The following ARHGAP15 variants were observed in gnomAD, a reference collection of about 807,000 sequenced individuals.
ARHGAP15 encodes Rho GTPase activating protein 15.
Under a neutral mutation model 63.7 loss-of-function variants are expected in ARHGAP15, and 51 were observed. The observed-to-expected ratio is 0.80, with a 90% confidence interval of 0.64 to 1.01. ARHGAP15 has a LOEUF of 1.01. ARHGAP15 is among the 50% of genes least tolerant of loss of function. The pLI, the probability that ARHGAP15 is intolerant of heterozygous loss-of-function variation, is 0.00. For missense variants in ARHGAP15, 560 were observed against 564.6 expected, an observed-to-expected ratio of 0.99 and a Z score of 0.08; for synonymous variants, 191 against 193.8, an observed-to-expected ratio of 0.99 and a Z score of 0.12.
intron 6 of ARHGAP15, among the ~76,000 whole-genome samples, chr2:143,339,890 G>T (rs578104038): frequency 2.6e-4 from 39 of 152,242 alleles, no homozygotes; most frequent in Non-Finnish European, 5.0e-4. Context: ...ACTCTCTGAA[G>T]AATATTTTGG....
chr2:143,545,090 A>G (rs1695271912), intron 10 of ARHGAP15, among the ~76,000 whole-genome samples: 1 of 152,200 alleles, frequency 6.6e-6, no homozygotes, highest in Non-Finnish European at 1.5e-5. Context: ...TCTAAATAGG[A>G]CTTTGCTGAT....
intron 13 of ARHGAP15, among the ~76,000 whole-genome samples, chr2:143,755,977 C>T (rs1686563454): frequency 1.3e-5 from 2 of 151,514 alleles, no homozygotes; most frequent in Admixed American, 6.6e-5. Flanking sequence ...AAAAAAAAAA[C>T]TCTAAAACTT....
chr2:143,755,691 A>T, intron 13 of ARHGAP15, among the ~76,000 whole-genome samples: 1 of 152,108 alleles, frequency 6.6e-6, no homozygotes, highest in East Asian at 1.9e-4. Context: ...AGTGTCTAAA[A>T]CTGGCCAGGT....
At chr2:143,626,451 T>C (rs1419889809) in intron 12 of ARHGAP15, among the ~76,000 whole-genome samples, 1 of 152,062 alleles carries the variant, frequency 6.6e-6, no homozygotes, top group East Asian at 1.9e-4. Flanking sequence ...ACCTTCTAGG[T>C]GAGTGTTACA....
intron 10 of ARHGAP15, among the ~76,000 whole-genome samples, chr2:143,528,497 C>A (rs1694378963): frequency 6.6e-6 from 1 of 151,964 alleles, no homozygotes; most frequent in Non-Finnish European, 1.5e-5. Context: ...TACACAGGAT[C>A]TATCAATTTG....
chr2:143,278,823 T>C (rs751759023), intron 6 of ARHGAP15, among the ~76,000 whole-genome samples: 12 of 151,990 alleles, frequency 7.9e-5, no homozygotes, highest in South Asian at 2.1e-4. Flanking sequence ...GAGATACAGA[T>C]ATTTTGTTCT....
At chr2:143,702,536 T>C (rs1451464538) in intron 12 of ARHGAP15, among the ~76,000 whole-genome samples, 1 of 152,212 alleles carries the variant, frequency 6.6e-6, no homozygotes, top group Non-Finnish European at 1.5e-5. Flanking sequence ...ATAGAATATT[T>C]GTAATCAAAT....
At chr2:143,723,405 G>A (rs1488251809) in intron 13 of ARHGAP15, among the ~76,000 whole-genome samples, 1 of 152,220 alleles carries the variant, frequency 6.6e-6, no homozygotes, top group Non-Finnish European at 1.5e-5. Context: ...TTCTCTTAAC[G>A]TGACTACGGA....
chr2:143,449,750 G>A (rs1690314064), intron 8 of ARHGAP15, among the ~76,000 whole-genome samples: 1 of 152,012 alleles, frequency 6.6e-6, no homozygotes, highest in African/African-American at 2.4e-5. Flanking sequence ...AGTAGGGTGA[G>A]ATTTCACTTA....
chr2:143,144,279 G>T (rs1689490070), intron 1 of ARHGAP15, among the ~76,000 whole-genome samples: 1 of 151,968 alleles, frequency 6.6e-6, no homozygotes, highest in Non-Finnish European at 1.5e-5. Context: ...CTAGTAATGG[G>T]ATTGCTGGGT....
At chr2:143,533,148 G>A (rs1694592140) in intron 10 of ARHGAP15, 1 of 152,208 alleles carries the variant, frequency 6.6e-6, no homozygotes. Context: ...TACCCTGAGT[G>A]ACAGGATGAT....
intron 6 of ARHGAP15, among the ~76,000 whole-genome samples, chr2:143,380,424 T>C (rs1687013101): frequency 6.6e-6 from 1 of 152,142 alleles, no homozygotes; most frequent in African/African-American, 2.4e-5. Context: ...GTAAGTCCAG[T>C]TTGTTAGAGA....
chr2:143,420,332 T>C (rs187331852), intron 6 of ARHGAP15, among the ~76,000 whole-genome samples: 1 of 152,254 alleles, frequency 6.6e-6, no homozygotes, highest in Admixed American at 6.5e-5. Flanking sequence ...AGAGCAATCT[T>C]AGAGCAGCAA....
intron 6 of ARHGAP15, among the ~76,000 whole-genome samples, chr2:143,383,715 T>C (rs1687152023): frequency 6.6e-6 from 1 of 152,208 alleles, no homozygotes; most frequent in Non-Finnish European, 1.5e-5. Flanking sequence ...TCAAAACCAG[T>C]AATTATGTGC....
intron 6 of ARHGAP15, among the ~76,000 whole-genome samples, chr2:143,258,476 G>T (rs1680536257): frequency 6.6e-6 from 1 of 152,070 alleles, no homozygotes; most frequent in South Asian, 2.1e-4. Context: ...GGCCACTTAT[G>T]GCATCTATGC....
chr2:143,487,243 T>TAG, intron 8 of ARHGAP15, 130 bp from the exon 9 acceptor site: 3 of 1,082,426 alleles, frequency 2.8e-6, no homozygotes, highest in Non-Finnish European at 3.9e-6. Flanking sequence ...TGGCTTGTTG[T>TAG]AGACAGAAGA....
intron 10 of ARHGAP15, among the ~76,000 whole-genome samples, chr2:143,525,391 T>A (rs1430762913): frequency 6.6e-6 from 1 of 151,128 alleles, no homozygotes; most frequent in Non-Finnish European, 1.5e-5. Flanking sequence ...AGATAAGCAC[T>A]TTTTCTTTTT....
intron 6 of ARHGAP15, among the ~76,000 whole-genome samples, chr2:143,400,319 C>T (rs1687936122): frequency 6.6e-6 from 1 of 151,822 alleles, no homozygotes; most frequent in Admixed American, 6.6e-5. Context: ...TAGGTGGTGG[C>T]TCTACAGGAG....
intron 12 of ARHGAP15, among the ~76,000 whole-genome samples, chr2:143,633,366 G>A (rs767108336): frequency 5.9e-5 from 9 of 152,088 alleles, no homozygotes; most frequent in Non-Finnish European, 1.2e-4. Flanking sequence ...ATAAACAACT[G>A]GACCTCCATC....
Sources: gnomAD v4.1 joint callset for allele counts (sites outside exome capture counted in the v4.1 genomes callset) on GRCh38, gnomAD v4.1.1 for gene constraint, MANE v1.5 for transcripts, NCBI Gene and HGNC (gene_info 2026-07-23, HGNC 2026-07-21) for gene names.